The following ZNRF3 variants were observed in gnomAD, a reference collection of about 807,000 sequenced individuals.
ZNRF3 encodes zinc and ring finger 3.
In ZNRF3, 23 loss-of-function variants were observed where a neutral mutation model predicts 72.5. The observed-to-expected ratio is 0.32, with a 90% CI of 0.23 to 0.45. The LOEUF (loss-of-function observed/expected upper bound fraction) is 0.45, where lower values mean the gene tolerates loss of function less well. Among genes scored for constraint, ZNRF3 ranks in the 20% least tolerant of loss-of-function variants. The probability of loss-of-function intolerance (pLI) is 1.00; values close to 1 mark genes in which losing one functional copy is unlikely to be tolerated. For missense variants in ZNRF3, 1,169 were observed against 1,272.1 expected (o/e 0.92, Z 1.23); for synonymous variants, 610 against 545.3 (o/e 1.12, Z -1.65).
chr22:28,922,482 ACT>A (rs1370182928), intron 1 of ZNRF3, among the ~76,000 whole-genome samples: 1 of 152,192 alleles, frequency 6.6e-6, no homozygotes, highest in Non-Finnish European at 1.5e-5. Context: ...CCGTATTCGC[ACT>A]GTTACAATTG....
At chr22:28,900,636 AG>A (rs1473262698) in intron 1 of ZNRF3, among the ~76,000 whole-genome samples, 3 of 152,142 alleles carry the variant, frequency 2.0e-5, no homozygotes, top group African/African-American at 7.2e-5. Flanking sequence ...GTTGTTGTGG[AG>A]GGCTTGTCCT....
intron 2 of ZNRF3, among the ~76,000 whole-genome samples, chr22:29,011,618 A>G (rs1362996933): frequency 6.6e-6 from 1 of 152,266 alleles, no homozygotes; most frequent in Non-Finnish European, 1.5e-5. Context: ...TTGTTCACAC[A>G]GCTAAGCTGG....
rs533407108 is a variant in ZNRF3 at position 28,976,222 on chromosome 22, T to G, written c.301-10854T>G. Among the ~76,000 whole-genome samples the G allele has an allele frequency of 9.2e-5, 14 of 152,300 alleles. No individual in the cohort carries two copies. In the South Asian group the frequency reaches 2.9e-3, roughly 32 times the overall value. On this transcript the variant is annotated intron_variant, in intron 1 of 8. Transcript: ENST00000544604. Reference sequence around the variant, plus strand: ...TTGAGCGAAGATCATGCCACTGCACTCCAGCATGGGCAACAGAGCGGGACC... The same window carrying G: ...TTGAGCGAAGATCATGCCACTGCACGCCAGCATGGGCAACAGAGCGGGACC...
chr22:28,956,484 A>G (rs1423552844), intron 1 of ZNRF3, among the ~76,000 whole-genome samples: 1 of 151,136 alleles, frequency 6.6e-6, no homozygotes, highest in Non-Finnish European at 1.5e-5. Flanking sequence ...TGTGACTGAC[A>G]ATGCAGCATG....
At chr22:28,884,168 C>CGGGA in intron 1 of ZNRF3, 102 bp downstream of exon 1, 1 of 918,826 alleles carries the variant, frequency 1.1e-6, no homozygotes, top group South Asian at 5.1e-5. Context: ...GGCGGGCGGG[C>CGGGA]GGGAGGGGTG....
At chr22:28,978,273 A>G (rs2035708743) in intron 1 of ZNRF3, among the ~76,000 whole-genome samples, 1 of 152,172 alleles carries the variant, frequency 6.6e-6, no homozygotes, top group Non-Finnish European at 1.5e-5. Flanking sequence ...TCTCAGAACA[A>G]TCACCCTGGT....
At chr22:28,898,927 T>G (rs955860860) in intron 1 of ZNRF3, among the ~76,000 whole-genome samples, 2 of 68,988 alleles carry the variant, frequency 2.9e-5, no homozygotes, top group Middle Eastern at 6.8e-3. Flanking sequence ...CATGCTGAGG[T>G]TTTTTTTTTT....
Position 29,049,370 on chromosome 22 carries a change from C to T in ZNRF3, c.1189C>T (p.Leu397=). The T allele has an allele frequency of 6.2e-7, 1 of 1,613,280 alleles. No homozygotes were observed. Among genetic ancestry groups the T allele is most frequent in the Non-Finnish European group, 8.5e-7 (1 of 1,179,998 alleles). Residue 397 remains leucine, a synonymous_variant, in exon 8 of 9, where the codon CTG becomes TTG. Transcript: ENST00000544604. This position sits in a 1 kb window ranked among gnomAD's most constrained non-coding sequence, Gnocchi z 5.2. ...CTCCCACGGCAACCCCGTCACCTTGCTGACCATGGACCGGCACGGGGAGCA... is the reference window on the plus strand; with the variant it reads ...CTCCCACGGCAACCCCGTCACCTTGTTGACCATGGACCGGCACGGGGAGCA... The part of the protein sequence containing the change: ...MDSHGNPVTL[L]TMDRHGEQSL...
At chr22:29,038,117 A>G (rs9613782) in intron 2 of ZNRF3, among the ~76,000 whole-genome samples, 48,030 of 152,088 alleles carry the variant, frequency 0.32, 9,277 homozygotes, top group Middle Eastern at 0.42. Flanking sequence ...GACGTTAAGT[A>G]TGTGACTTAA....
chr22:29,033,502 G>C (rs2036804103), intron 2 of ZNRF3, among the ~76,000 whole-genome samples: 1 of 152,156 alleles, frequency 6.6e-6, no homozygotes. Context: ...CCATGATTGA[G>C]AACGGTCCCT....
chr22:28,940,676 C>T (rs950086556), intron 1 of ZNRF3, among the ~76,000 whole-genome samples: 1 of 152,126 alleles, frequency 6.6e-6, no homozygotes, highest in Non-Finnish European at 1.5e-5. Context: ...TCCTCCTCAA[C>T]CTTCAGAAGG....
At chr22:29,044,608 G>T (rs1389632640) in intron 4 of ZNRF3, among the ~76,000 whole-genome samples, 172 bp from the exon 5 acceptor site, 7 of 152,222 alleles carry the variant, frequency 4.6e-5, no homozygotes, top group African/African-American at 1.4e-4. Flanking sequence ...CACTACATGG[G>T]CCTAGGGAGC....
intron 1 of ZNRF3, among the ~76,000 whole-genome samples, chr22:28,915,114 G>A (rs1478708736): frequency 1.3e-5 from 2 of 152,208 alleles, no homozygotes; most frequent in Non-Finnish European, 2.9e-5. Flanking sequence ...AGTATATTAA[G>A]TATCCTTTGG....
chr22:28,917,734 C>T (rs1268867681), intron 1 of ZNRF3, among the ~76,000 whole-genome samples: 2 of 152,180 alleles, frequency 1.3e-5, no homozygotes, highest in African/African-American at 4.8e-5. Context: ...CCCTCAGCTG[C>T]CCCTTGGAAA....
intron 1 of ZNRF3, among the ~76,000 whole-genome samples, chr22:28,909,927 C>A (rs907929871): frequency 9.9e-5 from 15 of 151,248 alleles, no homozygotes; most frequent in African/African-American, 3.6e-4. Flanking sequence ...TTTCTAGAGA[C>A]AGGGGTCTTA....
rs1406786788 is a variant in ZNRF3, at chr22:29,048,371, C to T, written c.913-18C>T. 6.2e-7 allele frequency: 1 copy of T among 1,609,290 alleles called. No homozygotes were observed. The highest frequency in any genetic ancestry group is 1.1e-5 in the South Asian group (1 of 90,362). On this transcript the variant is annotated intron_variant, in intron 6 of 8. Transcript: ENST00000544604. The surrounding 1 kb of genome is among the most constrained non-coding windows in gnomAD (Gnocchi z 4.9). ...GCGAGGCTGAAGGCAGACTTGTGTC[C>T]CCTCTCTCCCTGCCCAGGAGCTGCG... is the stretch of plus-strand genomic sequence containing the variant.
chr22:28,935,355 C>T (rs1349108071), intron 1 of ZNRF3, among the ~76,000 whole-genome samples: 1 of 152,184 alleles, frequency 6.6e-6, no homozygotes, highest in Non-Finnish European at 1.5e-5. Context: ...TGGGGGCAGC[C>T]CACCCTGGCG....
chr22:29,011,881 C>T (rs1291542284), intron 2 of ZNRF3, among the ~76,000 whole-genome samples: 1 of 152,170 alleles, frequency 6.6e-6, no homozygotes. Flanking sequence ...TTTGCAGGGC[C>T]ACCATGTCTC....
intron 1 of ZNRF3, among the ~76,000 whole-genome samples, chr22:28,945,156 A>T (rs1194966485): frequency 6.6e-6 from 1 of 151,712 alleles, no homozygotes; most frequent in East Asian, 1.9e-4. Flanking sequence ...TCTCAAAAAA[A>T]AAAAAAAAGT....
Sources: gnomAD v4.1 joint callset for allele counts (sites outside exome capture counted in the v4.1 genomes callset) on GRCh38, gnomAD v4.1.1 for gene constraint, Gnocchi (gnomAD v3.1) non-coding constraint, MANE v1.5 for transcripts, NCBI Gene and HGNC (gene_info 2026-07-23, HGNC 2026-07-21) for gene names.